PRELID2: variants seen among roughly 807,000 people sequenced by gnomAD.
PRELID2 encodes the protein PRELI domain-containing protein 2.
In PRELID2, 25 loss-of-function variants were observed where a neutral mutation model predicts 28.4. The ratio of observed to expected loss-of-function variants is 0.88; its 90% CI spans 0.64 to 1.23. The LOEUF (loss-of-function observed/expected upper bound fraction) is 1.23, where lower values mean the gene tolerates loss of function less well. Ranked by LOEUF, PRELID2 falls within the 50% of genes most tolerant of loss-of-function variation. The pLI, the probability that PRELID2 is intolerant of heterozygous loss-of-function variation, is 0.00. For synonymous variants in PRELID2, 76 were observed against 71.6 expected (o/e 1.06, Z -0.31); for missense variants, 201 against 214.4 (o/e 0.94, Z 0.39).
the PRELID2 span, among the ~76,000 whole-genome samples, chr5:145,413,330 A>G: frequency 8.5e-6 from 1 of 117,276 alleles, no homozygotes; most frequent in East Asian, 2.1e-4. Context: ...AAGATAAAAT[A>G]TAATAGAAGT....
At chr5:145,236,195 C>T in the PRELID2 span, among the ~76,000 whole-genome samples, 1 of 152,066 alleles carries the variant, frequency 6.6e-6, no homozygotes, top group Non-Finnish European at 1.5e-5. Context: ...ATGATCATTT[C>T]CTCTCCATCC....
At chr5:145,424,036 G>T in the PRELID2 span, among the ~76,000 whole-genome samples, 1 of 149,702 alleles carries the variant, frequency 6.7e-6, no homozygotes. Context: ...GTGCCTCCCA[G>T]TTAGGCTGCT....
intron 1 of PRELID2, among the ~76,000 whole-genome samples, chr5:145,497,647 T>C (rs556679426): frequency 3.9e-5 from 6 of 152,326 alleles, no homozygotes; most frequent in Admixed American, 3.9e-4. Context: ...CCGATCCACA[T>C]AGCCATAAAG....
chr5:145,820,162 C>T (rs543808409), intron 2 of PRELID2, 144 bp from the exon 3 acceptor site: 30 of 574,934 alleles, frequency 5.2e-5, no homozygotes, highest in Non-Finnish European at 9.2e-5. Context: ...AGTGCAATGG[C>T]ACGGTCTCGG....
chr5:145,350,308 A>G, the PRELID2 span, among the ~76,000 whole-genome samples: 1 of 152,224 alleles, frequency 6.6e-6, no homozygotes, highest in Non-Finnish European at 1.5e-5. Context: ...ACATGAGAAA[A>G]GATTTCACCA....
At chr5:145,828,940 C>T (rs1334085627) in intron 1 of PRELID2, among the ~76,000 whole-genome samples, 1 of 149,134 alleles carries the variant, frequency 6.7e-6, no homozygotes, top group Non-Finnish European at 1.5e-5. Context: ...CCGGCTCAAG[C>T]GATCCTCCTA....
chr5:145,728,646 A>G (rs1756246362), intron 1 of PRELID2: 3 of 1,377,318 alleles, frequency 2.2e-6, no homozygotes, highest in Middle Eastern at 1.9e-4. Flanking sequence ...AACATAACCA[A>G]TATTTTCAAT....
the PRELID2 span, among the ~76,000 whole-genome samples, chr5:145,293,728 G>T: frequency 1.3e-5 from 2 of 152,160 alleles, no homozygotes; most frequent in Non-Finnish European, 2.9e-5. Context: ...ATAGAGAATA[G>T]AGGGCTGAGA....
chr5:145,620,953 C>A (rs534940161), intron 1 of PRELID2, among the ~76,000 whole-genome samples: 17 of 152,276 alleles, frequency 1.1e-4, no homozygotes, highest in African/African-American at 3.6e-4. Context: ...TGAATAACAT[C>A]ATCAAAGTAG....
chr5:145,306,853 T>C, the PRELID2 span, among the ~76,000 whole-genome samples: 1 of 152,162 alleles, frequency 6.6e-6, no homozygotes, highest in Admixed American at 6.5e-5. Context: ...AATGTAGTCA[T>C]CTTTAGTATT....
chr5:145,347,580 A>G, the PRELID2 span, among the ~76,000 whole-genome samples: 3 of 151,890 alleles, frequency 2.0e-5, no homozygotes, highest in Non-Finnish European at 4.4e-5. Flanking sequence ...TTATCCATGG[A>G]GTTTTCTTTT....
chr5:145,233,842 A>G, the PRELID2 span, among the ~76,000 whole-genome samples: 1 of 152,168 alleles, frequency 6.6e-6, no homozygotes, highest in Non-Finnish European at 1.5e-5. Flanking sequence ...TGTATAATTA[A>G]TAACTCCTCC....
the PRELID2 span, among the ~76,000 whole-genome samples, chr5:145,419,911 G>C: frequency 1.1e-4 from 17 of 151,880 alleles, no homozygotes; most frequent in African/African-American, 4.1e-4. Context: ...TTTTGTATAA[G>C]GTGTAAGGAA....
At chr5:145,322,195 C>A in the PRELID2 span, among the ~76,000 whole-genome samples, 1 of 152,162 alleles carries the variant, frequency 6.6e-6, no homozygotes, top group Non-Finnish European at 1.5e-5. Flanking sequence ...CATAATACAT[C>A]TCCTTACCCT....
chr5:145,394,747 G>A, the PRELID2 span, among the ~76,000 whole-genome samples: 1 of 152,116 alleles, frequency 6.6e-6, no homozygotes. Flanking sequence ...TCCATTTTAT[G>A]GAGGAGTGGC....
chr5:145,235,874 CAA>C, the PRELID2 span, among the ~76,000 whole-genome samples: 3,737 of 152,126 alleles, frequency 0.025, 148 homozygotes, highest in African/African-American at 0.085. Context: ...TGAAGAATGT[CAA>C]AAGTGTTTAG....
chr5:145,631,773 A>G (rs2149658844), intron 1 of PRELID2, among the ~76,000 whole-genome samples: 1 of 152,308 alleles, frequency 6.6e-6, no homozygotes, highest in Non-Finnish European at 1.5e-5. Context: ...TAAAATTTAA[A>G]GTCCAAAACT....
chr5:145,517,211 T>C (rs1327956956), intron 1 of PRELID2, among the ~76,000 whole-genome samples: 1 of 151,634 alleles, frequency 6.6e-6, no homozygotes, highest in African/African-American at 2.4e-5. Context: ...ACCTACAGAA[T>C]AGGAGAAAAT....
At chr5:145,734,525 A>C (rs189806708) in intron 1 of PRELID2, among the ~76,000 whole-genome samples, 1 of 152,292 alleles carries the variant, frequency 6.6e-6, no homozygotes, top group Non-Finnish European at 1.5e-5. Flanking sequence ...TTTGAGACCA[A>C]AAGTCTACCA....
Sources: gnomAD v4.1 joint callset for allele counts (sites outside exome capture counted in the v4.1 genomes callset) on GRCh38, gnomAD v4.1.1 for gene constraint, MANE v1.5 for transcripts, NCBI Gene and HGNC (gene_info 2026-07-23, HGNC 2026-07-21) for gene names.